The following TXNRD3 variants were observed in gnomAD, a reference collection of about 807,000 sequenced individuals.
TXNRD3 encodes the protein TXNRD3 neighbor gene protein.
Under a neutral mutation model 78.2 loss-of-function variants are expected in TXNRD3, and 68 were observed. The observed-to-expected ratio is 0.87, with a 90% CI of 0.72 to 1.06. TXNRD3 has a LOEUF of 1.06. Among genes scored for constraint, TXNRD3 ranks in the 50% least tolerant of loss-of-function variants. The probability of loss-of-function intolerance (pLI) is 0.00; values close to 1 mark genes in which losing one functional copy is unlikely to be tolerated. For missense variants in TXNRD3, 751 were observed against 809.5 expected, an observed-to-expected ratio of 0.93 and a Z score of 0.88; for synonymous variants, 296 against 300.1, an observed-to-expected ratio of 0.99 and a Z score of 0.14.
At chr3:126,620,941 A>G (rs910999675) in intron 12 of TXNRD3, among the ~76,000 whole-genome samples, 3 of 152,082 alleles carry the variant, frequency 2.0e-5, no homozygotes, top group African/African-American at 7.2e-5. Context: ...TTCCCCAGTC[A>G]TCCGTCTCCC....
intron 8 of TXNRD3, among the ~76,000 whole-genome samples, chr3:126,631,495 A>G (rs1344499094): frequency 6.6e-6 from 1 of 152,098 alleles, no homozygotes; most frequent in Non-Finnish European, 1.5e-5. Context: ...TTTGGCCTGT[A>G]AGAAGTTTAG....
At position 126,630,815 on chromosome 3, in the gene TXNRD3, C is replaced by T. The variant is rs948230116; in HGVS notation, c.1094G>A (p.Arg365His). The T allele has an allele frequency of 1.2e-5, 18 of 1,535,408 alleles. No homozygotes were observed. The highest frequency in any genetic ancestry group is 4.1e-5 in the African/African-American group (3 of 72,972). The change falls in exon 9 of 16, where the codon CGC (arginine) becomes CAC (histidine). Residue 365 changes from arginine to histidine, a missense_variant. By Grantham distance (29) the Arg-to-His change is conservative. Transcript: ENST00000524230. ...GTCGAAGCCACGGAGAAGGATTGAG[C>T]GTACCATAACTGTGACATCTAGGCC...
intron 12 of TXNRD3, among the ~76,000 whole-genome samples, chr3:126,615,867 G>A (rs1398672418): frequency 6.6e-6 from 1 of 152,232 alleles, no homozygotes; most frequent in East Asian, 1.9e-4. Flanking sequence ...TTCAGTGGAA[G>A]CTGAGACCAC....
chr3:126,649,237 T>C (rs971134961), intron 1 of TXNRD3, among the ~76,000 whole-genome samples: 2 of 152,188 alleles, frequency 1.3e-5, no homozygotes, highest in Non-Finnish European at 2.9e-5. Context: ...AATAAGCACG[T>C]GAAAAGTTGT....
chr3:126,619,229 G>A (rs535546558), intron 12 of TXNRD3, among the ~76,000 whole-genome samples: 13 of 152,144 alleles, frequency 8.5e-5, no homozygotes, highest in Non-Finnish European at 1.6e-4. Flanking sequence ...CGAAAGGAAA[G>A]AATCAGTGTA....
At position 126,608,580 on chromosome 3, in the gene TXNRD3, T is replaced by C. The variant is rs1261491734; in HGVS notation, c.1782A>G (p.Gln594=). Residue 594 remains glutamine (Q), a synonymous_variant, in exon 15 of 16, where the codon CAA becomes CAG. Transcript: ENST00000524230. ...CACATTTCATTGCAGCTGCAAATCC[T>C]TGGGTAACCTCACCGGCGTTTGGTC... 1.3e-6 allele frequency: 2 copies of C among 1,536,040 alleles called. No individual in the cohort carries two copies. The highest frequency in any genetic ancestry group is 1.2e-5 in the South Asian group (1 of 84,048).
chr3:126,653,797 C>T (rs1933443695), intron 1 of TXNRD3, among the ~76,000 whole-genome samples: 1 of 152,138 alleles, frequency 6.6e-6, no homozygotes, highest in South Asian at 2.1e-4. Flanking sequence ...ATACCAAAAA[C>T]AGCAGAATGA....
At chr3:126,647,666 C>T (rs1301520475) in intron 1 of TXNRD3, among the ~76,000 whole-genome samples, 1 of 151,916 alleles carries the variant, frequency 6.6e-6, no homozygotes, top group East Asian at 1.9e-4. Flanking sequence ...CCCATCTCTA[C>T]AAAAAATAAA....
At chr3:126,627,144 C>G (rs116289207) in intron 10 of TXNRD3, among the ~76,000 whole-genome samples, 2,865 of 152,222 alleles carry the variant, frequency 0.019, 99 homozygotes, top group African/African-American at 0.066. Flanking sequence ...CAGTTTTAAT[C>G]ACAATAGTCC....
chr3:126,621,874 A>G lies in TXNRD3; in HGVS notation c.1392T>C (p.Asp464=). Reference sequence around the variant, plus strand: ...CATATGGCACATTGGTCTGTTCCACATCATTTACAGGTATTTTTCCACTCC... The same window carrying G: ...CATATGGCACATTGGTCTGTTCCACGTCATTTACAGGTATTTTTCCACTCC... Residue 464 remains aspartate (D), a synonymous_variant, in exon 12 of 16, where the codon GAT becomes GAC. Coordinates refer to ENST00000524230, the MANE Select transcript of TXNRD3 (RefSeq NM_052883.3). 6.6e-7 allele frequency: 1 copy of G among 1,519,082 alleles called. No individual in the cohort carries two copies. The highest frequency in any genetic ancestry group is 1.4e-5 in the African/African-American group (1 of 72,184). The allele number at this position is 1,519,082 out of a possible 1,614,324, so 94.1% of individuals were successfully genotyped here. A position where few individuals can be genotyped will look rare whatever the true frequency, so the allele number is the denominator to read the frequency against.
intron 1 of TXNRD3, among the ~76,000 whole-genome samples, chr3:126,652,060 A>G (rs1172384072): frequency 6.6e-6 from 1 of 152,176 alleles, no homozygotes; most frequent in Non-Finnish European, 1.5e-5. Context: ...GAAATATGAG[A>G]CTGGGTAATA....
intron 3 of TXNRD3, among the ~76,000 whole-genome samples, chr3:126,644,804 G>A (rs1305930107): frequency 6.6e-6 from 1 of 152,164 alleles, no homozygotes; most frequent in Admixed American, 6.5e-5. Flanking sequence ...CAATTCTTAT[G>A]CATTATCAGC....
chr3:126,616,268 T>C (rs1337631660), intron 12 of TXNRD3, among the ~76,000 whole-genome samples: 1 of 152,112 alleles, frequency 6.6e-6, no homozygotes, highest in Non-Finnish European at 1.5e-5. Context: ...AGAGAAAAGG[T>C]GGAAGGTGCC....
At chr3:126,617,152 C>G (rs546588473) in intron 12 of TXNRD3, among the ~76,000 whole-genome samples, 36 of 152,294 alleles carry the variant, frequency 2.4e-4, no homozygotes, top group African/African-American at 8.7e-4. Context: ...TAAAAACTTT[C>G]TCCACATCTT....
In TXNRD3 at chr3:126,654,737, G is replaced by A; in HGVS notation, c.243+11C>T. The A allele has an allele frequency of 7.6e-7, 1 of 1,320,972 alleles. No individual in the cohort carries two copies. Among genetic ancestry groups the A allele is most frequent in the Non-Finnish European group, 9.7e-7 (1 of 1,035,900 alleles). The allele number at this position is 1,320,972 out of a possible 1,614,324, so 81.8% of individuals were successfully genotyped here. A position where few individuals can be genotyped will look rare whatever the true frequency, so the allele number is the denominator to read the frequency against. On this transcript the variant is annotated intron_variant, in intron 1 of 15. Transcript: ENST00000524230. ...GTCGCGCGCGGTGGAACCGGCGAGG[G>A]CCGCGCCTACCCGAGTACTATGGGG...
chr3:126,609,088 C>T, intron 14 of TXNRD3: 1 of 366,872 alleles, frequency 2.7e-6, no homozygotes, highest in Non-Finnish European at 5.6e-6. Context: ...GCAGGGCTGT[C>T]ACCCAGGGCT....
chr3:126,631,475 A>C (rs1248585481), intron 8 of TXNRD3, among the ~76,000 whole-genome samples: 2 of 151,772 alleles, frequency 1.3e-5, no homozygotes, highest in Non-Finnish European at 2.9e-5. Context: ...AACTGTATTT[A>C]CTTCTTTGTT....
intron 5 of TXNRD3, among the ~76,000 whole-genome samples, chr3:126,643,231 A>T (rs1458427515): frequency 6.6e-6 from 1 of 152,224 alleles, no homozygotes; most frequent in East Asian, 1.9e-4. Flanking sequence ...GGCTGCCAAC[A>T]GATCAGTCTT....
chr3:126,633,702 T>A (rs1236222777), intron 7 of TXNRD3, among the ~76,000 whole-genome samples: 1 of 152,194 alleles, frequency 6.6e-6, no homozygotes, highest in Non-Finnish European at 1.5e-5. Context: ...AATTAAGAGT[T>A]CTTTAAAACA....
Sources: gnomAD v4.1 joint callset for allele counts (sites outside exome capture counted in the v4.1 genomes callset) on GRCh38, gnomAD v4.1.1 for gene constraint, MANE v1.5 for transcripts, NCBI Gene and HGNC (gene_info 2026-07-23, HGNC 2026-07-21) for gene names.